The following ZNF398 variants were observed in gnomAD, a reference collection of about 807,000 sequenced individuals.
ZNF398 encodes the protein zinc finger protein 398, also known as zinc finger DNA binding protein ZER6.
In ZNF398, 18 loss-of-function variants were observed where a neutral mutation model predicts 41.9. The observed-to-expected ratio is 0.43, with a 90% CI of 0.30 to 0.64. The LOEUF is 0.64. Ranked by LOEUF, ZNF398 falls within the 30% of genes least tolerant of loss-of-function variation. The probability of loss-of-function intolerance (pLI) is 0.14; values close to 1 mark genes in which losing one functional copy is unlikely to be tolerated. For missense variants in ZNF398, 669 were observed against 822.8 expected (o/e 0.81, Z 2.29); for synonymous variants, 260 against 308.8 (o/e 0.84, Z 1.66).
chr7:149,173,576 C>CA lies in ZNF398; in HGVS notation c.662-2891dup, dbSNP rs1795396198. On this transcript the variant is annotated intron_variant, in intron 4 of 5. Coordinates refer to ENST00000475153, the MANE Select transcript of ZNF398 (RefSeq NM_170686.3). ...GTTTTACAGGGATGAAAACAACACTCATCTCCTTGTTCATCCCCATCAGAG... is the reference window on the plus strand; with the variant it reads ...GTTTTACAGGGATGAAAACAACACTCAATCTCCTTGTTCATCCCCATCAGAG... Among the ~76,000 whole-genome samples the CA allele has an allele frequency of 2.0e-5, 3 of 152,138 alleles. No homozygotes were observed. In the South Asian group the frequency reaches 6.2e-4, roughly 31 times the overall value.
chr7:149,175,919 C>T (rs1267675077), intron 4 of ZNF398, among the ~76,000 whole-genome samples: 2 of 152,226 alleles, frequency 1.3e-5, no homozygotes, highest in East Asian at 3.9e-4. Context: ...CTCTTGACCT[C>T]AAATGATCCA....
At chr7:149,141,425 A>G in intron 2 of ZNF398, among the ~76,000 whole-genome samples, 1 of 145,396 alleles carries the variant, frequency 6.9e-6, no homozygotes, top group Non-Finnish European at 1.5e-5. Context: ...CCTCCCGAGT[A>G]GCTAGGATTA....
At chr7:149,153,705 G>A (rs532735891) in intron 1 of ZNF398, among the ~76,000 whole-genome samples, 9 of 152,298 alleles carry the variant, frequency 5.9e-5, no homozygotes, top group Admixed American at 5.9e-4. Flanking sequence ...TACCAGACTA[G>A]TTCAAGAGCC....
In ZNF398 at chr7:149,181,826, A is replaced by C. The variant is rs1795599023; in HGVS notation, c.*2025A>C. 1 of 152,204 alleles carries C rather than the reference A, an allele frequency of 6.6e-6. No individual in the cohort carries two copies. Among genetic ancestry groups the C allele is most frequent in the South Asian group, 2.1e-4 (1 of 4,834 alleles). The allele number at this position is 152,204 out of a possible 1,614,324, so 9.4% of individuals were successfully genotyped here. A position where few individuals can be genotyped will look rare whatever the true frequency, so the allele number is the denominator to read the frequency against. On this transcript the variant is annotated 3_prime_UTR_variant, in exon 6 of 6. Transcript: ENST00000475153. ...GAATCTGGACCTATACCATGGGAAA[A>C]TTTAGGGGTGCTGGGAATCCCAAAG...
chr7:149,154,747 T>A (rs1352474493), intron 2 of ZNF398, among the ~76,000 whole-genome samples: 1 of 152,096 alleles, frequency 6.6e-6, no homozygotes, highest in Admixed American at 6.6e-5. Context: ...CCCAGCACTT[T>A]GGGAGGCTGA....
chr7:149,173,349 C>T (rs928195988), intron 4 of ZNF398, among the ~76,000 whole-genome samples: 3 of 152,006 alleles, frequency 2.0e-5, no homozygotes, highest in African/African-American at 4.8e-5. Flanking sequence ...TCAGGTGATC[C>T]ACCCGTCTCG....
chr7:149,168,846 C>T (rs1020721404), intron 4 of ZNF398, among the ~76,000 whole-genome samples: 6 of 152,142 alleles, frequency 3.9e-5, no homozygotes, highest in East Asian at 1.9e-4. Flanking sequence ...TGAGCCACCA[C>T]GCCCGGCCAT....
intron 4 of ZNF398, among the ~76,000 whole-genome samples, chr7:149,175,021 T>C (rs917993749): frequency 6.6e-6 from 1 of 152,200 alleles, no homozygotes. Flanking sequence ...AGCTTTTCTT[T>C]TAGGTCAGAA....
chr7:149,158,845 A>G (rs925776163), intron 2 of ZNF398, among the ~76,000 whole-genome samples: 4 of 151,984 alleles, frequency 2.6e-5, no homozygotes, highest in Non-Finnish European at 4.4e-5. Context: ...AAAAAAAAAA[A>G]AAAGAAAATT....
chr7:149,148,046 G>GGTGCCTGCTGCGTGTCAGCCCC (rs1162231647), intron 1 of ZNF398: 2 of 360,728 alleles, frequency 5.5e-6, no homozygotes, highest in African/African-American at 4.2e-5. Flanking sequence ...AAGTCGAGGG[G>GGTGCCTGCTGCGTGTCAGCCCC]GTGCCTGCTG....
chr7:149,144,144 T>C (rs1002869325), upstream of ZNF398, among the ~76,000 whole-genome samples: 21 of 152,174 alleles, frequency 1.4e-4, no homozygotes, highest in African/African-American at 5.1e-4. Flanking sequence ...GAAGGAACAT[T>C]TAATAAGTTG....
chr7:149,135,968 T>C (rs1826704294), intron 2 of ZNF398, among the ~76,000 whole-genome samples: 1 of 151,786 alleles, frequency 6.6e-6, no homozygotes, highest in Admixed American at 6.6e-5. Context: ...CTAATAACAA[T>C]AATAATAATA....
intron 5 of ZNF398, 130 bp downstream of exon 5, chr7:149,176,711 C>A: frequency 1.7e-6 from 1 of 581,672 alleles, no homozygotes; most frequent in South Asian, 2.4e-5. Flanking sequence ...AAGCCATGCT[C>A]AACATTATGA....
At chr7:149,175,830 G>A (rs868159365) in intron 4 of ZNF398, among the ~76,000 whole-genome samples, 7 of 151,974 alleles carry the variant, frequency 4.6e-5, no homozygotes, top group Admixed American at 6.6e-5. Context: ...GATTACAGGC[G>A]CCTGCCACCA....
Position 149,147,534 on chromosome 7 carries a change from T to TCCGCCGCCTGCTGCACCGCG in ZNF398, c.-206_-187dup, listed in dbSNP as rs1336450947. On this transcript the variant is annotated 5_prime_UTR_variant, in exon 1 of 6. Transcript: ENST00000475153. The surrounding 1 kb of genome is among the most constrained non-coding windows in gnomAD (Gnocchi z 5.6). ...AGTCGGCCTCGCGACCCCAGCTTGA[T>TCCGCCGCCTGCTGCACCGCG]CCGCCGCCTGCTGCACCGCGCCTCC... 2.5e-6 allele frequency: 1 copy of TCCGCCGCCTGCTGCACCGCG among 393,082 alleles called. No homozygotes were observed. Among genetic ancestry groups the TCCGCCGCCTGCTGCACCGCG allele is most frequent in the South Asian group, 1.3e-4 (1 of 7,824 alleles). The allele number at this position is 393,082 out of a possible 1,614,324, so 24.3% of individuals were successfully genotyped here.
At chr7:149,178,206 G>A (rs549278692) in intron 5 of ZNF398, among the ~76,000 whole-genome samples, 1 of 151,972 alleles carries the variant, frequency 6.6e-6, no homozygotes, top group East Asian at 1.9e-4. Context: ...GCAGGAGAAT[G>A]GCGTGAACCC....
chr7:149,157,001 T>A (rs1794994401), intron 2 of ZNF398, among the ~76,000 whole-genome samples: 1 of 152,120 alleles, frequency 6.6e-6, no homozygotes, highest in Admixed American at 6.6e-5. Context: ...TTAATATAAA[T>A]AACAAAGTTG....
chr7:149,161,722 A>G (rs1018061124), intron 2 of ZNF398, among the ~76,000 whole-genome samples: 1 of 152,050 alleles, frequency 6.6e-6, no homozygotes, highest in Admixed American at 6.6e-5. Context: ...ACCAGGAAAA[A>G]CTTCAGCTCC....
chr7:149,180,359 C>T lies in ZNF398; in HGVS notation c.*558C>T, dbSNP rs1268022050. On this transcript the variant is annotated 3_prime_UTR_variant, in exon 6 of 6. Coordinates refer to ENST00000475153, the MANE Select transcript of ZNF398 (RefSeq NM_170686.3). Reference sequence around the variant, plus strand: ...TCACACACCTCTGTGGCTGTCTTTCCCTGAAACATGGTAACTCAAGACTGC... The same window carrying T: ...TCACACACCTCTGTGGCTGTCTTTCTCTGAAACATGGTAACTCAAGACTGC... 2 of 152,234 alleles carry T rather than the reference C, an allele frequency of 1.3e-5. No individual in the cohort carries two copies. The highest frequency in any genetic ancestry group is 2.9e-5 in the Non-Finnish European group (2 of 68,058). 9.4% of individuals were successfully genotyped at this position (152,234 alleles called of 1,614,324 possible).
Sources: allele counts gnomAD v4.1 joint callset (sites outside exome capture counted in the v4.1 genomes callset), GRCh38; gene constraint gnomAD v4.1.1; non-coding constraint Gnocchi (gnomAD v3.1); transcripts MANE v1.5; gene names NCBI Gene and HGNC (gene_info 2026-07-23, HGNC 2026-07-21).